DLGAP2: variants seen among roughly 807,000 people sequenced by gnomAD.
DLGAP2 encodes DLG associated protein 2.
A neutral mutation model predicts 100.3 loss-of-function variants in DLGAP2; 26 were observed. The ratio of observed to expected loss-of-function variants is 0.26; its 90% CI spans 0.19 to 0.36. The LOEUF is 0.36. Ranked by LOEUF, DLGAP2 falls within the 10% of genes least tolerant of loss-of-function variation. The probability of loss-of-function intolerance (pLI) is 1.00; values close to 1 mark genes in which losing one functional copy is unlikely to be tolerated. For synonymous variants in DLGAP2, 886 were observed against 630.1 expected (o/e 1.41, Z -6.08); for missense variants, 1,858 against 1,453.2 (o/e 1.28, Z -4.53).
At chr8:1,518,594 T>G (rs1800474914) in intron 4 of DLGAP2, among the ~76,000 whole-genome samples, 1 of 152,118 alleles carries the variant, frequency 6.6e-6, no homozygotes, top group African/African-American at 2.4e-5. Context: ...GACCACGTGG[T>G]GATTTCGGCC....
At chr8:1,439,937 T>G (rs547610053) in intron 3 of DLGAP2, among the ~76,000 whole-genome samples, 3 of 152,300 alleles carry the variant, frequency 2.0e-5, no homozygotes, top group African/African-American at 7.2e-5. Context: ...GGAGTTTTTA[T>G]TAAGGTCACA....
chr8:1,127,721 G>A lies in DLGAP2; in HGVS notation c.74-131130G>A, dbSNP rs531276345. On this transcript the variant is annotated intron_variant, in intron 2 of 14. Transcript: ENST00000637795. ...GCATTAACAGAAAACCTTGGAAACT[G>A]CAGCTTTCAAGAAAACACTAAGGCC... 5.7e-4 allele frequency among the ~76,000 whole-genome samples: 87 copies of A among 152,328 alleles called. 1 individual carries two copies. In the South Asian group the frequency reaches 9.7e-3, roughly 17 times the overall value.
chr8:1,116,574 T>C (rs1328543708), intron 2 of DLGAP2, among the ~76,000 whole-genome samples: 2 of 152,126 alleles, frequency 1.3e-5, no homozygotes, highest in East Asian at 1.9e-4. Flanking sequence ...TGTGAGTGAA[T>C]TGCCTGACCC....
chr8:1,414,444 C>T (rs113903370), intron 3 of DLGAP2, among the ~76,000 whole-genome samples: 88 of 152,256 alleles, frequency 5.8e-4, no homozygotes, highest in African/African-American at 1.9e-3. Flanking sequence ...GTGTGGGAGG[C>T]AAGAGGCATG....
chr8:799,949 T>G (rs141634855), intron 1 of DLGAP2, among the ~76,000 whole-genome samples: 101 of 152,308 alleles, frequency 6.6e-4, no homozygotes, highest in Middle Eastern at 3.4e-3. Context: ...ATGCTGTAAT[T>G]GCAGTGATTG....
chr8:1,281,797 G>A (rs1460844231), intron 3 of DLGAP2, among the ~76,000 whole-genome samples: 1 of 152,208 alleles, frequency 6.6e-6, no homozygotes, highest in African/African-American at 2.4e-5. Context: ...GAGGGACGCG[G>A]TCCCACCCCA....
intron 3 of DLGAP2, among the ~76,000 whole-genome samples, chr8:1,500,448 C>T (rs1041630447): frequency 2.6e-5 from 4 of 152,200 alleles, no homozygotes; most frequent in African/African-American, 7.2e-5. Context: ...CCTGGAGAGT[C>T]GGCACCTGGT....
intron 2 of DLGAP2, among the ~76,000 whole-genome samples, chr8:1,073,506 G>C (rs1803498118): frequency 6.6e-6 from 1 of 152,122 alleles, no homozygotes; most frequent in Non-Finnish European, 1.5e-5. Flanking sequence ...GAATTTAAAA[G>C]AACAAAACGG....
chr8:1,212,394 G>T (rs527269439), intron 2 of DLGAP2, among the ~76,000 whole-genome samples: 3 of 152,300 alleles, frequency 2.0e-5, no homozygotes, highest in South Asian at 4.1e-4. Flanking sequence ...CCAGGTTATG[G>T]CACAGATGAT....
chr8:830,961 T>A (rs1264089119), intron 1 of DLGAP2, among the ~76,000 whole-genome samples: 1 of 151,032 alleles, frequency 6.6e-6, no homozygotes, highest in African/African-American at 2.4e-5. Flanking sequence ...AGTGGCACAA[T>A]CTCAGCTCAC....
chr8:1,227,502 T>C (rs1460091577), intron 2 of DLGAP2, among the ~76,000 whole-genome samples: 2 of 122,626 alleles, frequency 1.6e-5, no homozygotes, highest in Non-Finnish European at 3.4e-5. Flanking sequence ...TTTTCTTTTC[T>C]TTTTTTTTTT....
At chr8:947,764 G>C (rs1163914729) in intron 2 of DLGAP2, among the ~76,000 whole-genome samples, 7 of 152,104 alleles carry the variant, frequency 4.6e-5, no homozygotes. Flanking sequence ...CGGCTCCCCG[G>C]TCCCTCCTGT....
chr8:1,036,490 G>A (rs575562876), intron 2 of DLGAP2, among the ~76,000 whole-genome samples: 9 of 152,340 alleles, frequency 5.9e-5, no homozygotes, highest in Non-Finnish European at 1.5e-5. Context: ...CCGTGGGGAC[G>A]GTCGGGGGAG....
chr8:1,549,479 C>G lies in DLGAP2; in HGVS notation c.1026C>G (p.Thr342=). The G allele has an allele frequency of 3.1e-6, 5 of 1,613,552 alleles. No homozygotes were observed. Among genetic ancestry groups the G allele is most frequent in the Non-Finnish European group, 4.2e-6 (5 of 1,179,834 alleles). The change falls in exon 5 of 15, where the codon ACC becomes ACG. Residue 342 remains threonine (T), a synonymous_variant. Transcript: ENST00000637795. ...CCTTCGGGGACCTGTCCCTCAAGAC[C>G]TCCAAGAGCAACAACGACGTCAAGT... ...QSPFGDLSLK[T]SKSNNDVKCS...
rs1413580253 is a variant in DLGAP2 at position 1,015,181 on chromosome 8, T to A, written c.73+107215T>A. On this transcript the variant is annotated intron_variant, in intron 2 of 14. Transcript: ENST00000637795. ...ACAGACGACGCCTCCACTGTGTGTG[T>A]GACCAGGACAGACGACGCCTCCACT... Among the ~76,000 whole-genome samples the A allele has an allele frequency of 2.5e-3, 36 of 14,492 alleles. 1 individual carries two copies. The highest frequency in any genetic ancestry group is 0.018 in the Admixed American group (31 of 1,718). 9.5% of individuals were successfully genotyped at this position (14,492 alleles called of 152,430 possible).
intron 14 of DLGAP2, 97 bp downstream of exon 14, chr8:1,697,396 C>T: frequency 6.8e-7 from 1 of 1,480,262 alleles, no homozygotes; most frequent in Non-Finnish European, 9.0e-7. Context: ...GGTTCTCAGT[C>T]TTTTGCTGGC....
At chr8:772,552 G>A (rs1028604103) in intron 1 of DLGAP2, among the ~76,000 whole-genome samples, 10 of 152,024 alleles carry the variant, frequency 6.6e-5, no homozygotes, top group East Asian at 3.9e-4. Flanking sequence ...CAAACTCCTC[G>A]CCTCAGGTGG....
At chr8:1,331,151 G>A (rs150981710) in intron 3 of DLGAP2, among the ~76,000 whole-genome samples, 40 of 152,316 alleles carry the variant, frequency 2.6e-4, no homozygotes, top group Admixed American at 1.4e-3. Context: ...TCAAATGGCC[G>A]TCACAGTGCA....
At chr8:1,692,505 G>C (rs181697106) in intron 13 of DLGAP2, among the ~76,000 whole-genome samples, 1 of 152,148 alleles carries the variant, frequency 6.6e-6, no homozygotes, top group Non-Finnish European at 1.5e-5. Flanking sequence ...AGGCTGCAAG[G>C]GGGAGTGGAG....
Sources: gnomAD v4.1 joint callset for allele counts (sites outside exome capture counted in the v4.1 genomes callset) on GRCh38, gnomAD v4.1.1 for gene constraint, MANE v1.5 for transcripts, NCBI Gene and HGNC (gene_info 2026-07-23, HGNC 2026-07-21) for gene names.